Variants in ATP2A1 observed in about 807,000 individuals in gnomAD.
The protein encoded by ATP2A1 is sarcoplasmic/endoplasmic reticulum calcium ATPase 1.
ATP2A1 carries 83 observed loss-of-function variants against 109.5 expected under a neutral mutation model. The observed-to-expected ratio is 0.76, with a 90% CI of 0.63 to 0.91. The LOEUF is 0.91. Ranked by LOEUF, ATP2A1 falls within the 40% of genes least tolerant of loss-of-function variation. The probability of loss-of-function intolerance (pLI) is 0.00; values close to 1 mark genes in which losing one functional copy is unlikely to be tolerated. For missense variants in ATP2A1, 1,101 were observed against 1,341.0 expected, an observed-to-expected ratio of 0.82 and a Z score of 2.80; for synonymous variants, 505 against 537.6, an observed-to-expected ratio of 0.94 and a Z score of 0.84.
chr16:28,881,213 G>A (rs1450870335), intron 4 of ATP2A1, among the ~76,000 whole-genome samples, 194 bp downstream of exon 4: 4 of 152,134 alleles, frequency 2.6e-5, no homozygotes, highest in African/African-American at 9.7e-5. Context: ...CTGGCTATGT[G>A]ACCCTGAGCA....
In ATP2A1 at chr16:28,887,486, A is replaced by G. The variant is rs1182983024; in HGVS notation, c.692A>G (p.Glu231Gly). Residue 231 changes from glutamate to glycine, a missense_variant, in exon 8 of 23, where the codon GAG (glutamate) becomes GGG (glycine). Glu to Gly is a moderately conservative substitution (Grantham distance 98). Coordinates refer to ENST00000395503, the MANE Select transcript of ATP2A1 (RefSeq NM_004320.6). ...GIVATTGVGT[E>G]IGKIRDQMAA... ...GTGGCCACCACTGGTGTGGGCACCG[A>G]GATTGGGAAGATCCGAGACCAAATG... 6.2e-7 allele frequency: 1 copy of G among 1,613,962 alleles called. No homozygotes were observed. The highest frequency in any genetic ancestry group is 2.2e-5 in the East Asian group (1 of 44,862).
At chr16:28,900,214 T>C (rs1964032497) in intron 14 of ATP2A1, among the ~76,000 whole-genome samples, 1 of 150,364 alleles carries the variant, frequency 6.7e-6, no homozygotes, top group South Asian at 2.1e-4. Context: ...GGTAGGAGGA[T>C]CGCTTGAGCC....
At chr16:28,892,355 CAG>C (rs1283050111) in intron 9 of ATP2A1, 1 of 402,468 alleles carries the variant, frequency 2.5e-6, no homozygotes, top group Non-Finnish European at 5.0e-6. Flanking sequence ...CTGCCCTTCA[CAG>C]AGTTTTGTGG....
At chr16:28,900,510 C>G in intron 14 of ATP2A1, 71 bp from the exon 15 acceptor site, 1 of 1,416,706 alleles carries the variant, frequency 7.1e-7, no homozygotes, top group Admixed American at 2.3e-5. Flanking sequence ...ATCCCCACCC[C>G]CCACCAGCTT....
Position 28,901,840 on chromosome 16 carries a change from C to T in ATP2A1, c.2101-23C>T, listed in dbSNP as rs761748719. ...GAGGGATGTGTGAAGGTGCCCTAAG[C>T]CCACCTTCTCCTCCTCCCTCAGACA... On this transcript the variant is annotated intron_variant, in intron 15 of 22. Transcript: ENST00000395503. 2.5e-5 allele frequency: 40 copies of T among 1,599,914 alleles called. No individual in the cohort carries two copies. The East Asian group carries it at 8.5e-4, about 34-fold the overall frequency.
chr16:28,888,180 A>G (rs1182340012), intron 8 of ATP2A1, among the ~76,000 whole-genome samples: 1 of 151,760 alleles, frequency 6.6e-6, no homozygotes, highest in Non-Finnish European at 1.5e-5. Flanking sequence ...TTACAGGTGC[A>G]CGCCACCATG....
intron 22 of ATP2A1, 30 bp from the exon 23 acceptor site, chr16:28,904,150 C>T: frequency 6.3e-7 from 1 of 1,593,024 alleles, no homozygotes. Flanking sequence ...CTCCTGCCGC[C>T]TGCCTCATCC....
chr16:28,888,316 A>C (rs1424175689), intron 8 of ATP2A1, among the ~76,000 whole-genome samples: 1 of 147,420 alleles, frequency 6.8e-6, no homozygotes, highest in African/African-American at 2.5e-5. Context: ...TACAGGTGTG[A>C]GCCACCACGC....
intron 4 of ATP2A1, 65 bp downstream of exon 4, chr16:28,881,084 C>A: frequency 6.8e-7 from 1 of 1,471,062 alleles, no homozygotes; most frequent in Non-Finnish European, 9.5e-7. Context: ...ACCCTCCCTC[C>A]AGTCTCCTCC....
chr16:28,879,976 T>C, intron 3 of ATP2A1: 4 of 1,015,708 alleles, frequency 3.9e-6, no homozygotes, highest in Non-Finnish European at 4.7e-6. Context: ...CCCGCGCCCG[T>C]CGGCGCCCCT....
intron 1 of ATP2A1, 128 bp downstream of exon 1, chr16:28,878,917 C>G (rs1448224473): frequency 7.5e-7 from 1 of 1,334,734 alleles, no homozygotes; most frequent in African/African-American, 1.4e-5. Flanking sequence ...GTCCAATGCT[C>G]GCAGGGGGAA....
chr16:28,886,182 T>A (rs1044539766), intron 6 of ATP2A1, among the ~76,000 whole-genome samples: 3 of 151,842 alleles, frequency 2.0e-5, no homozygotes, highest in South Asian at 2.1e-4. Flanking sequence ...AAAATTTTTT[T>A]AAAAATTAGC....
At chr16:28,881,408 T>G (rs1226922454) in intron 4 of ATP2A1, 7 of 296,368 alleles carry the variant, frequency 2.4e-5, no homozygotes, top group Non-Finnish European at 3.9e-5. Context: ...CTTCCTGGTT[T>G]GTTTTGTTTT....
intron 14 of ATP2A1, among the ~76,000 whole-genome samples, chr16:28,899,647 G>GC (rs1373771764): frequency 0.095 from 1,100 of 11,602 alleles, 109 homozygotes; most frequent in South Asian, 0.15. Flanking sequence ...CCCTGCGCCC[G>GC]CCCCCCCCCC....
chr16:28,898,984 A>C lies in ATP2A1; in HGVS notation c.1764+533A>C, dbSNP rs1467990199. On this transcript the variant is annotated intron_variant, in intron 14 of 22. Transcript: ENST00000395503. The surrounding 1 kb of genome is among the most constrained non-coding windows in gnomAD (Gnocchi z 4.0). ...CATGACAAGCAAGGCCCTGTCTCTA[A>C]AAACAAAAAACAAAAACACACACAC... 6.6e-6 allele frequency among the ~76,000 whole-genome samples: 1 copy of C among 151,666 alleles called. No homozygotes were observed. Among genetic ancestry groups the C allele is most frequent in the African/African-American group, 2.4e-5 (1 of 41,074 alleles).
rs1386421835 is a variant in ATP2A1, at chr16:28,902,169, A to T, written c.2322-15A>T. ...TGGGAGGCAGGACAGAGGTGTGACC[A>T]CCTCCTTCCCACAGTATCTTCCTGA... On this transcript the variant is annotated splice_polypyrimidine_tract_variant and intron_variant, in intron 16 of 22. Transcript: ENST00000395503. This position sits in a 1 kb window ranked among gnomAD's most constrained non-coding sequence, Gnocchi z 4.8. 5.6e-6 allele frequency: 9 copies of T among 1,613,736 alleles called. No individual in the cohort carries two copies. In the East Asian group the frequency reaches 1.8e-4, roughly 32 times the overall value.
At chr16:28,896,419 G>A (rs1963918571) in intron 12 of ATP2A1, among the ~76,000 whole-genome samples, 2 of 143,856 alleles carry the variant, frequency 1.4e-5, no homozygotes, top group African/African-American at 5.1e-5. Flanking sequence ...GTAGAGACGA[G>A]TTTTTTTTTT....
At position 28,885,913 on chromosome 16, in the gene ATP2A1, C is replaced by T. The variant is rs1176709798; in HGVS notation, c.544+1258C>T. On this transcript the variant is annotated intron_variant, in intron 6 of 22. Coordinates refer to ENST00000395503, the MANE Select transcript of ATP2A1 (RefSeq NM_004320.6). ...GGGCGTGGTGGCTCATACCTGTAATCCCAGTGCTTTGGGAGGCTGAGGCAG... is the reference window on the plus strand; with the variant it reads ...GGGCGTGGTGGCTCATACCTGTAATTCCAGTGCTTTGGGAGGCTGAGGCAG... 1.5e-4 allele frequency among the ~76,000 whole-genome samples: 23 copies of T among 151,970 alleles called. 1 individual carries two copies. The highest frequency in any genetic ancestry group is 2.9e-5 in the Non-Finnish European group (2 of 67,986).
intron 6 of ATP2A1, among the ~76,000 whole-genome samples, chr16:28,885,462 G>T (rs1014032766): frequency 6.6e-6 from 1 of 151,828 alleles, no homozygotes; most frequent in African/African-American, 2.4e-5. Context: ...CCCTGCTTCA[G>T]CCTCCAGAGT....
Sources: allele counts gnomAD v4.1 joint callset (sites outside exome capture counted in the v4.1 genomes callset), GRCh38; gene constraint gnomAD v4.1.1; non-coding constraint Gnocchi (gnomAD v3.1); transcripts MANE v1.5; gene names NCBI Gene and HGNC (gene_info 2026-07-23, HGNC 2026-07-21).